The following PDIA5 variants were observed in gnomAD, a reference collection of about 807,000 sequenced individuals.
PDIA5 encodes protein disulfide isomerase family A member 5, also known as protein disulfide-isomerase A5.
Under a neutral mutation model 77.6 loss-of-function variants are expected in PDIA5, and 58 were observed. That is an observed-to-expected ratio of 0.75 (90% confidence interval 0.61 to 0.93). The LOEUF is 0.93. Ranked by LOEUF, PDIA5 falls within the 40% of genes least tolerant of loss-of-function variation. The pLI, the probability that PDIA5 is intolerant of heterozygous loss-of-function variation, is 0.00. For missense variants in PDIA5, 630 were observed against 647.7 expected, an observed-to-expected ratio of 0.97 and a Z score of 0.30; for synonymous variants, 250 against 252.1, an observed-to-expected ratio of 0.99 and a Z score of 0.08.
At chr3:123,078,084 A>G (rs1199818074) in intron 1 of PDIA5, among the ~76,000 whole-genome samples, 3 of 152,212 alleles carry the variant, frequency 2.0e-5, no homozygotes, top group African/African-American at 7.2e-5. Context: ...CTGGGATTAC[A>G]GGCATGAGCC....
intron 2 of PDIA5, among the ~76,000 whole-genome samples, chr3:123,091,184 C>T (rs910856344): frequency 1.3e-5 from 2 of 152,166 alleles, no homozygotes; most frequent in African/African-American, 4.8e-5. Flanking sequence ...GGAGTGCCTT[C>T]TCCGAGTGAC....
At chr3:123,089,361 G>A in intron 2 of PDIA5, 67 bp downstream of exon 2, 1 of 1,522,082 alleles carries the variant, frequency 6.6e-7, no homozygotes, top group Non-Finnish European at 9.1e-7. Context: ...GAAGGAGTGG[G>A]AGGCAGGAGA....
chr3:123,147,271 C>T (rs1313656379), intron 13 of PDIA5, among the ~76,000 whole-genome samples: 2 of 152,054 alleles, frequency 1.3e-5, no homozygotes, highest in African/African-American at 4.8e-5. Context: ...ATAAGGACAC[C>T]AGTCATGTTG....
chr3:123,157,985 A>T (rs772884704), intron 15 of PDIA5, among the ~76,000 whole-genome samples: 8 of 151,930 alleles, frequency 5.3e-5, no homozygotes, highest in Non-Finnish European at 1.2e-4. Context: ...TGGGGGCCCC[A>T]CCTCTGCCAT....
intron 13 of PDIA5, among the ~76,000 whole-genome samples, chr3:123,148,107 A>AGACCTGGGCTGAGATCGTG (rs2107984394): frequency 6.6e-6 from 1 of 152,334 alleles, no homozygotes; most frequent in South Asian, 2.1e-4. Flanking sequence ...GGAGTCTGAG[A>AGACCTGGGCTGAGATCGTG]GACCTGGGCT....
At chr3:123,120,314 G>A (rs1935081695) in intron 8 of PDIA5, among the ~76,000 whole-genome samples, 2 of 152,184 alleles carry the variant, frequency 1.3e-5, no homozygotes, top group African/African-American at 4.8e-5. Flanking sequence ...CTTAGCCTTG[G>A]AGCCTCCATT....
intron 1 of PDIA5, among the ~76,000 whole-genome samples, chr3:123,074,773 G>A (rs72974425): frequency 0.01 from 1,523 of 152,244 alleles, 30 homozygotes; most frequent in African/African-American, 0.035. Context: ...TACAGGAAAG[G>A]CTAAATTTCA....
intron 1 of PDIA5, among the ~76,000 whole-genome samples, chr3:123,078,048 T>C (rs1387061937): frequency 6.6e-6 from 1 of 152,196 alleles, no homozygotes; most frequent in Non-Finnish European, 1.5e-5. Context: ...GACTGCGTGA[T>C]CCGCTCGCCT....
Position 123,097,931 on chromosome 3 carries a change from T to G in PDIA5, c.258-4480T>G, listed in dbSNP as rs916814794. On this transcript the variant is annotated intron_variant, in intron 3 of 16. Transcript: ENST00000316218. ...CATCAGCCTTCCTTCTGGTCTTCAG[T>G]GTAGTCTTCTTTCTACCCCACCAGG... Among the ~76,000 whole-genome samples the G allele has an allele frequency of 5.9e-5, 9 of 152,242 alleles. No homozygotes were observed. In the East Asian group the frequency reaches 1.7e-3, roughly 29 times the overall value.
intron 1 of PDIA5, among the ~76,000 whole-genome samples, chr3:123,077,706 C>T (rs1363916669): frequency 6.6e-6 from 1 of 152,110 alleles, no homozygotes; most frequent in Non-Finnish European, 1.5e-5. Context: ...AAGGTTAGGC[C>T]TTCACTCCTT....
chr3:123,144,179 C>T (rs538714622), intron 11 of PDIA5, among the ~76,000 whole-genome samples: 47 of 152,294 alleles, frequency 3.1e-4, no homozygotes, highest in African/African-American at 1.1e-3. Context: ...AAGCCGATTC[C>T]GTAGCTCAGT....
chr3:123,089,003 G>A (rs549671749), intron 1 of PDIA5, 165 bp from the exon 2 acceptor site: 10 of 592,752 alleles, frequency 1.7e-5, no homozygotes, highest in African/African-American at 1.7e-4. Context: ...AGTGGGCTGG[G>A]GAGTGTCCCT....
intron 10 of PDIA5, among the ~76,000 whole-genome samples, chr3:123,129,418 T>G (rs1935319961): frequency 6.6e-6 from 1 of 152,210 alleles, no homozygotes. Context: ...CATACCCGGC[T>G]GCGGAGGGAA....
intron 8 of PDIA5, among the ~76,000 whole-genome samples, chr3:123,123,192 G>A (rs1935160085): frequency 6.6e-6 from 1 of 152,236 alleles, no homozygotes; most frequent in African/African-American, 2.4e-5. Context: ...GCGGAGGATT[G>A]CTTGAGCCCA....
chr3:123,070,617 C>G (rs1392041757), intron 1 of PDIA5, among the ~76,000 whole-genome samples: 2 of 152,144 alleles, frequency 1.3e-5, no homozygotes, highest in Non-Finnish European at 2.9e-5. Context: ...CCAAGTGCTC[C>G]TGGACACAGG....
intron 1 of PDIA5, among the ~76,000 whole-genome samples, chr3:123,083,071 A>G (rs1440401987): frequency 2.6e-5 from 4 of 152,110 alleles, no homozygotes; most frequent in African/African-American, 9.7e-5. Flanking sequence ...GGAAGGACTC[A>G]GTCTCCACCC....
intron 1 of PDIA5, among the ~76,000 whole-genome samples, chr3:123,074,348 G>A (rs1260153542): frequency 6.6e-6 from 1 of 152,190 alleles, no homozygotes; most frequent in Non-Finnish European, 1.5e-5. Context: ...GTAAGAGAAT[G>A]TATAACAGGG....
chr3:123,146,294 G>A lies in PDIA5; in HGVS notation c.1142+35G>A, dbSNP rs1370204094. Reference sequence around the variant, plus strand: ...ACGATCTCAGTAGCACATCCTAACTGCCAGCTGGCGGCCCCTGGAGACCAC... The same window carrying A: ...ACGATCTCAGTAGCACATCCTAACTACCAGCTGGCGGCCCCTGGAGACCAC... On this transcript the variant is annotated intron_variant, in intron 13 of 16. Coordinates refer to ENST00000316218, the MANE Select transcript of PDIA5 (RefSeq NM_006810.4). 3 of 1,584,702 alleles carry A rather than the reference G, an allele frequency of 1.9e-6. No homozygotes were observed. In the African/African-American group the frequency reaches 4.0e-5, roughly 21 times the overall value.
Position 123,095,773 on chromosome 3 carries a change from A to G in PDIA5, c.257+3331A>G, listed in dbSNP as rs561664002. Among the ~76,000 whole-genome samples the G allele has an allele frequency of 1.1e-3, 158 of 149,892 alleles. 1 individual carries two copies. Among genetic ancestry groups the G allele is most frequent in the South Asian group, 6.7e-3 (32 of 4,748 alleles). ...TCAAAAAAAAAAAAAAAAAAAGTAC[A>G]GGGTGCAGTGCAGTGGAATTTGTAG... On this transcript the variant is annotated intron_variant, in intron 3 of 16. Coordinates refer to ENST00000316218, the MANE Select transcript of PDIA5 (RefSeq NM_006810.4).
Sources: allele counts gnomAD v4.1 joint callset (sites outside exome capture counted in the v4.1 genomes callset), GRCh38; gene constraint gnomAD v4.1.1; transcripts MANE v1.5; gene names NCBI Gene and HGNC (gene_info 2026-07-23, HGNC 2026-07-21).